The following CUEDC1 variants were observed in gnomAD, a reference collection of about 807,000 sequenced individuals.
CUEDC1 encodes the protein CUE domain containing 1, also known as CUE domain-containing protein 1.
A neutral mutation model predicts 43.7 loss-of-function variants in CUEDC1; 30 were observed. That is an observed-to-expected ratio of 0.69 (90% CI 0.51 to 0.93). The LOEUF (loss-of-function observed/expected upper bound fraction) is 0.93, where lower values mean the gene tolerates loss of function less well. Ranked by LOEUF, CUEDC1 falls within the 40% of genes least tolerant of loss-of-function variation. The pLI, the probability that CUEDC1 is intolerant of heterozygous loss-of-function variation, is 0.00. For missense variants in CUEDC1, 486 were observed against 549.0 expected (o/e 0.89, Z 1.15); for synonymous variants, 223 against 223.6 (o/e 1.00, Z 0.02).
At chr17:57,904,877 G>T (rs2074511999) in intron 1 of CUEDC1, among the ~76,000 whole-genome samples, 1 of 152,240 alleles carries the variant, frequency 6.6e-6, no homozygotes, top group South Asian at 2.1e-4. Context: ...GGACCACAGG[G>T]GCAGGCCACC....
At chr17:57,868,789 C>T (rs972504918) in intron 7 of CUEDC1, among the ~76,000 whole-genome samples, 2 of 152,168 alleles carry the variant, frequency 1.3e-5, no homozygotes, top group African/African-American at 4.8e-5. Context: ...CCCACAGAGG[C>T]TTAGCAAGGG....
chr17:57,885,192 C>T, intron 2 of CUEDC1, 37 bp downstream of exon 2: 2 of 1,524,534 alleles, frequency 1.3e-6, no homozygotes, highest in Non-Finnish European at 1.8e-6. Flanking sequence ...ATGCTGTCCT[C>T]CAGTGGTGGT....
At chr17:57,913,547 C>T (rs1331006001) in intron 1 of CUEDC1, among the ~76,000 whole-genome samples, 4 of 152,212 alleles carry the variant, frequency 2.6e-5, no homozygotes, top group Non-Finnish European at 5.9e-5. Context: ...AACCCCATCC[C>T]CAAGATCCCA....
At chr17:57,874,847 G>T (rs1272351757) in intron 3 of CUEDC1, among the ~76,000 whole-genome samples, 3 of 152,196 alleles carry the variant, frequency 2.0e-5, no homozygotes, top group East Asian at 3.9e-4. Context: ...TCTATTTCGG[G>T]CGGGTGGCCG....
intron 1 of CUEDC1, among the ~76,000 whole-genome samples, chr17:57,903,650 C>A (rs1339698605): frequency 1.3e-5 from 2 of 151,992 alleles, no homozygotes; most frequent in Non-Finnish European, 2.9e-5. Context: ...TTTTTTAAAT[C>A]AGAGGCTGGG....
chr17:57,925,050 C>T (rs1446176131), intron 1 of CUEDC1, among the ~76,000 whole-genome samples: 2 of 150,552 alleles, frequency 1.3e-5, no homozygotes, highest in Non-Finnish European at 2.9e-5. Context: ...TAGTGTTACA[C>T]CAAAAAGCTA....
chr17:57,902,134 G>A (rs1475697544), intron 1 of CUEDC1, among the ~76,000 whole-genome samples: 1 of 151,764 alleles, frequency 6.6e-6, no homozygotes, highest in Non-Finnish European at 1.5e-5. Flanking sequence ...GAGGTTGCAG[G>A]GAGCCAAGAT....
chr17:57,914,128 C>T (rs2074613501), intron 1 of CUEDC1, among the ~76,000 whole-genome samples: 1 of 152,210 alleles, frequency 6.6e-6, no homozygotes, highest in South Asian at 2.1e-4. Context: ...CCCTAACAAC[C>T]TGCTCAGTGC....
intron 7 of CUEDC1, 79 bp downstream of exon 7, chr17:57,869,043 G>GGGCT: frequency 6.9e-7 from 1 of 1,440,126 alleles, no homozygotes; most frequent in Non-Finnish European, 9.7e-7. Context: ...ATGTGCTGAG[G>GGGCT]GGCTCCCTCA....
intron 1 of CUEDC1, among the ~76,000 whole-genome samples, chr17:57,905,290 A>ACACACACACACACC (rs1007711626): frequency 6.9e-6 from 1 of 145,582 alleles, no homozygotes; most frequent in Non-Finnish European, 1.5e-5. Flanking sequence ...ACACACACAC[A>ACACACACACACACC]CTCCAGCCTG....
intron 1 of CUEDC1, among the ~76,000 whole-genome samples, chr17:57,903,937 C>CAA (rs34746551): frequency 1.1e-3 from 155 of 139,118 alleles, no homozygotes; most frequent in East Asian, 4.3e-3. Flanking sequence ...GACCGTGTTT[C>CAA]AAAAAAAAAA....
At chr17:57,893,346 G>GGTGTGTGTGTGT (rs1456034263) in intron 1 of CUEDC1, among the ~76,000 whole-genome samples, 19 of 89,894 alleles carry the variant, frequency 2.1e-4, no homozygotes, top group African/African-American at 5.5e-4. Flanking sequence ...AGGCTCTCAG[G>GGTGTGTGTGTGT]GTATGTGTGT....
Position 57,885,631 on chromosome 17 carries a change from C to T in CUEDC1, c.-67G>A. The T allele has an allele frequency of 7.5e-7, 1 of 1,334,530 alleles. No individual in the cohort carries two copies. Among genetic ancestry groups the T allele is most frequent in the Non-Finnish European group, 9.5e-7 (1 of 1,048,558 alleles). 82.7% of individuals were successfully genotyped at this position (1,334,530 alleles called of 1,614,324 possible). A position where few individuals can be genotyped will look rare whatever the true frequency, so the allele number is the denominator to read the frequency against. Reference sequence around the variant, plus strand: ...AAGCCCCTTCCCCAGGGTCTTTCCGCCGTCAGCCGCTTACTTGCCCTGCGG... The same window carrying T: ...AAGCCCCTTCCCCAGGGTCTTTCCGTCGTCAGCCGCTTACTTGCCCTGCGG... On this transcript the variant is annotated 5_prime_UTR_variant, in exon 2 of 11. Transcript: ENST00000577830.
chr17:57,862,077 G>A lies in CUEDC1; in HGVS notation c.*1212C>T, dbSNP rs1161140606. The A allele has an allele frequency of 6.6e-6, 1 of 152,204 alleles. No individual in the cohort carries two copies. Among genetic ancestry groups the A allele is most frequent in the Non-Finnish European group, 1.5e-5 (1 of 68,040 alleles). 9.4% of individuals were successfully genotyped at this position (152,204 alleles called of 1,614,324 possible). A position where few individuals can be genotyped will look rare whatever the true frequency, so the allele number is the denominator to read the frequency against. On this transcript the variant is annotated 3_prime_UTR_variant, in exon 11 of 11. Transcript: ENST00000577830. ...GGCCACCAGGGCCCGGCCAAGGATC[G>A]GATGCCACTCCCAACCTCCCAGAGC... is the stretch of plus-strand genomic sequence containing the variant.
rs920805037 is a variant in CUEDC1 at position 57,862,993 on chromosome 17, T to C, written c.*296A>G. On this transcript the variant is annotated 3_prime_UTR_variant, in exon 11 of 11. Coordinates refer to ENST00000577830, the MANE Select transcript of CUEDC1 (RefSeq NM_001271875.2). Reference sequence around the variant, plus strand: ...TTTTTTTTAAAGGGAGGTTGGTTCCTGCATTTCCACTCTTTGACCATAGGA... The same window carrying C: ...TTTTTTTTAAAGGGAGGTTGGTTCCCGCATTTCCACTCTTTGACCATAGGA... 1 of 152,500 alleles carries C rather than the reference T, an allele frequency of 6.6e-6. No homozygotes were observed. Among genetic ancestry groups the C allele is most frequent in the Admixed American group, 6.5e-5 (1 of 15,270 alleles). 9.4% of individuals were successfully genotyped at this position (152,500 alleles called of 1,614,324 possible). A position where few individuals can be genotyped will look rare whatever the true frequency, so the allele number is the denominator to read the frequency against.
At chr17:57,922,721 A>C (rs1201039002) in intron 1 of CUEDC1, 1 of 152,164 alleles carries the variant, frequency 6.6e-6, no homozygotes, top group African/African-American at 2.4e-5. Context: ...ATTACAAATA[A>C]GGATAAAGCT....
At chr17:57,924,818 G>A (rs1472591027) in intron 1 of CUEDC1, among the ~76,000 whole-genome samples, 1 of 152,198 alleles carries the variant, frequency 6.6e-6, no homozygotes, top group Non-Finnish European at 1.5e-5. Context: ...AAGGGTCCTT[G>A]GCAGAGGCCC....
intron 1 of CUEDC1, among the ~76,000 whole-genome samples, chr17:57,920,873 G>A (rs1250052763): frequency 2.0e-5 from 3 of 152,112 alleles, no homozygotes; most frequent in Non-Finnish European, 4.4e-5. Flanking sequence ...CTGACCTCAG[G>A]TGATCTGCCC....
chr17:57,867,972 G>A (rs560724681), intron 8 of CUEDC1, among the ~76,000 whole-genome samples, 178 bp downstream of exon 8: 1 of 152,212 alleles, frequency 6.6e-6, no homozygotes, highest in Non-Finnish European at 1.5e-5. Flanking sequence ...GGTTGGCAAC[G>A]AGAGACGGGC....
Sources: gnomAD v4.1 joint callset for allele counts (sites outside exome capture counted in the v4.1 genomes callset) on GRCh38, gnomAD v4.1.1 for gene constraint, MANE v1.5 for transcripts, NCBI Gene and HGNC (gene_info 2026-07-23, HGNC 2026-07-21) for gene names.